Variants in NCOA2 observed in about 807,000 individuals in gnomAD.
The protein encoded by NCOA2 is nuclear receptor coactivator 2.
NCOA2 carries 21 observed loss-of-function variants against 145.1 expected under a neutral mutation model. The ratio of observed to expected loss-of-function variants is 0.14; its 90% confidence interval spans 0.10 to 0.21. The LOEUF (loss-of-function observed/expected upper bound fraction) is 0.21, where lower values mean the gene tolerates loss of function less well. Among genes scored for constraint, NCOA2 ranks in the 10% least tolerant of loss-of-function variants. The pLI, the probability that NCOA2 is intolerant of heterozygous loss-of-function variation, is 1.00. For synonymous variants in NCOA2, 619 were observed against 637.5 expected (o/e 0.97, Z 0.44); for missense variants, 1,472 against 1,837.6 (o/e 0.80, Z 3.64).
Position 70,323,826 on chromosome 8 carries a change from C to A in NCOA2, c.-76-27026G>T, listed in dbSNP as rs12550591. The stretch of plus-strand genomic sequence containing the variant: ...TTTAAAATGAACTCCCAAAAAGATC[C>A]AAAATTTAAAGAATAATATGTATAT... On this transcript the variant is annotated intron_variant, in intron 1 of 22. Coordinates refer to ENST00000452400, the MANE Select transcript of NCOA2 (RefSeq NM_006540.4). 6.1e-3 allele frequency among the ~76,000 whole-genome samples: 921 copies of A among 152,172 alleles called. 30 individuals are homozygous for A. Among genetic ancestry groups the A allele is most frequent in the Admixed American group, 0.045 (686 of 15,268 alleles).
the NCOA2 span, among the ~76,000 whole-genome samples, chr8:70,419,277 C>T: frequency 6.6e-6 from 1 of 151,924 alleles, no homozygotes; most frequent in East Asian, 1.9e-4. Flanking sequence ...AGTCTGCTCA[C>T]TCCTAAAATG....
At chr8:70,311,130 A>T (rs1805082527) in intron 1 of NCOA2, among the ~76,000 whole-genome samples, 1 of 152,028 alleles carries the variant, frequency 6.6e-6, no homozygotes, top group Non-Finnish European at 1.5e-5. Context: ...GTTTTTTTTT[A>T]AGTGTGTCCA....
chr8:70,214,181 C>G (rs1168534308), intron 3 of NCOA2, 106 bp from the exon 4 acceptor site: 3 of 1,042,200 alleles, frequency 2.9e-6, no homozygotes, highest in Non-Finnish European at 4.2e-6. Flanking sequence ...CAAAAGCTAC[C>G]TATATAAACA....
Position 70,156,164 on chromosome 8 carries a change from G to A in NCOA2, c.2201C>T (p.Pro734Leu), listed in dbSNP as rs760176745. The change falls in exon 11 of 23, where the codon CCG becomes CTG. Residue 734 changes from proline to leucine, a missense_variant. Around this residue, in one of 4 missense-constraint regions of NCOA2, gnomAD observed 953 missense variants for 1,062.1 expected, o/e 0.90. Coordinates refer to ENST00000452400, the MANE Select transcript of NCOA2 (RefSeq NM_006540.4). ...ATTCTCTTTCTTCTTGGGGCTCACC[G>A]GCTCTTGTTTAATAGTCACTTCTGA... ...PGSEVTIKQE[P>L]VSPKKKENAL... 34 of 1,613,618 alleles carry A rather than the reference G, an allele frequency of 2.1e-5. No homozygotes were observed. The highest frequency in any genetic ancestry group is 5.5e-5 in the South Asian group (5 of 91,064).
At chr8:70,433,137 C>G in the NCOA2 span, among the ~76,000 whole-genome samples, 4 of 151,930 alleles carry the variant, frequency 2.6e-5, no homozygotes, top group East Asian at 3.9e-4. Flanking sequence ...TTTTGTCTGC[C>G]CTCCCATCAA....
chr8:70,353,031 T>C (rs2130855925), intron 1 of NCOA2, among the ~76,000 whole-genome samples: 1 of 151,994 alleles, frequency 6.6e-6, no homozygotes, highest in South Asian at 2.1e-4. Context: ...TTGTGAGAGC[T>C]TCAAATTTTT....
chr8:70,361,373 T>C (rs1810184872), intron 1 of NCOA2, among the ~76,000 whole-genome samples: 1 of 151,946 alleles, frequency 6.6e-6, no homozygotes, highest in Non-Finnish European at 1.5e-5. Context: ...TGTGGGTGCC[T>C]GTAATCCCAG....
chr8:70,288,297 T>G (rs990370254), intron 2 of NCOA2, among the ~76,000 whole-genome samples: 4 of 151,930 alleles, frequency 2.6e-5, no homozygotes, highest in African/African-American at 9.7e-5. Flanking sequence ...ATGGAGGAAA[T>G]AGGCCGGTGT....
At chr8:70,113,750 C>CA in intron 22 of NCOA2, 107 bp from the exon 23 acceptor site, 2 of 1,113,292 alleles carry the variant, frequency 1.8e-6, no homozygotes, top group Non-Finnish European at 2.7e-6. Flanking sequence ...TTCAATAAAG[C>CA]AAATCACAGA....
At chr8:70,178,813 T>C (rs990723483) in intron 4 of NCOA2, among the ~76,000 whole-genome samples, 6 of 152,198 alleles carry the variant, frequency 3.9e-5, no homozygotes, top group African/African-American at 1.2e-4. Flanking sequence ...TGGAGACGGA[T>C]GTGTGGCTGG....
chr8:70,422,639 G>A, the NCOA2 span, among the ~76,000 whole-genome samples: 1 of 152,004 alleles, frequency 6.6e-6, no homozygotes, highest in African/African-American at 2.4e-5. Flanking sequence ...TTGAACTCCT[G>A]GGCTCAAGCA....
intron 1 of NCOA2, among the ~76,000 whole-genome samples, chr8:70,358,314 T>A (rs1018003442): frequency 6.6e-6 from 1 of 152,054 alleles, no homozygotes; most frequent in African/African-American, 2.4e-5. Context: ...AAAACAATAT[T>A]GAAAAAGAAG....
chr8:70,292,886 TCAA>T (rs763328512), intron 2 of NCOA2, among the ~76,000 whole-genome samples: 162 of 152,316 alleles, frequency 1.1e-3, no homozygotes, highest in Admixed American at 2.2e-3. Context: ...TGGCTTTGTG[TCAA>T]CAACACCCAT....
intron 6 of NCOA2, among the ~76,000 whole-genome samples, chr8:70,167,674 ATTTCT>A (rs1813774717): frequency 6.6e-6 from 1 of 152,210 alleles, no homozygotes; most frequent in African/African-American, 2.4e-5. Context: ...TGCAAATGTC[ATTTCT>A]TTTCAAGTTA....
At chr8:70,397,157 T>C (rs1370682564) in intron 1 of NCOA2, among the ~76,000 whole-genome samples, 1 of 152,146 alleles carries the variant, frequency 6.6e-6, no homozygotes, top group African/African-American at 2.4e-5. Context: ...ATACAGACCT[T>C]TTAGTCAAGA....
intron 4 of NCOA2, among the ~76,000 whole-genome samples, chr8:70,192,873 C>T (rs1470195623): frequency 1.3e-5 from 2 of 151,904 alleles, no homozygotes; most frequent in African/African-American, 2.4e-5. Context: ...TCGAGACCAG[C>T]CTGACCAACA....
At chr8:70,382,252 A>C (rs1812260442) in intron 1 of NCOA2, among the ~76,000 whole-genome samples, 1 of 152,060 alleles carries the variant, frequency 6.6e-6, no homozygotes, top group Non-Finnish European at 1.5e-5. Flanking sequence ...CTTCTAAGAA[A>C]AGTCAGTGCC....
At chr8:70,421,232 GA>G in the NCOA2 span, among the ~76,000 whole-genome samples, 2 of 151,836 alleles carry the variant, frequency 1.3e-5, no homozygotes, top group African/African-American at 4.8e-5. Context: ...CTTGAGAGGG[GA>G]AAAAAGAATT....
At chr8:70,335,061 T>TGCA (rs1413092509) in intron 1 of NCOA2, among the ~76,000 whole-genome samples, 1 of 133,928 alleles carries the variant, frequency 7.5e-6, no homozygotes, top group Non-Finnish European at 1.5e-5. Flanking sequence ...AGGTGGAGGT[T>TGCA]GCAGTGAGCT....
Sources: allele counts gnomAD v4.1 joint callset (sites outside exome capture counted in the v4.1 genomes callset), GRCh38; gene constraint gnomAD v4.1.1; regional missense constraint gnomAD v4.1.1; transcripts MANE v1.5; gene names NCBI Gene and HGNC (gene_info 2026-07-23, HGNC 2026-07-21).